The following CADM2 variants were observed in gnomAD, a reference collection of about 807,000 sequenced individuals.
The protein encoded by CADM2 is immunoglobulin superfamily member 4D.
Under a neutral mutation model 49.8 loss-of-function variants are expected in CADM2, and 12 were observed. The ratio of observed to expected loss-of-function variants is 0.24; its 90% CI spans 0.15 to 0.39. The LOEUF (loss-of-function observed/expected upper bound fraction) is 0.39, where lower values mean the gene tolerates loss of function less well. Ranked by LOEUF, CADM2 falls within the 10% of genes least tolerant of loss-of-function variation. The pLI is 1.00. For synonymous variants in CADM2, 214 were observed against 175.4 expected, an observed-to-expected ratio of 1.22 and a Z score of -1.74; for missense variants, 378 against 492.3, an observed-to-expected ratio of 0.77 and a Z score of 2.20.
chr3:85,101,222 A>G (rs1458029777), intron 1 of CADM2, among the ~76,000 whole-genome samples: 1 of 152,080 alleles, frequency 6.6e-6, no homozygotes, highest in Non-Finnish European at 1.5e-5. Context: ...CCACTGCACT[A>G]CAGCCTGGGT....
chr3:85,065,232 A>T (rs1031730475), intron 1 of CADM2, among the ~76,000 whole-genome samples: 10 of 152,064 alleles, frequency 6.6e-5, no homozygotes, highest in African/African-American at 2.4e-4. Context: ...TTTTAAATTT[A>T]TTTCATATAA....
At chr3:85,562,763 A>G (rs907922842) in intron 1 of CADM2, among the ~76,000 whole-genome samples, 4 of 152,154 alleles carry the variant, frequency 2.6e-5, no homozygotes, top group Non-Finnish European at 4.4e-5. Flanking sequence ...CATTCTTGTT[A>G]CACTGCATAA....
chr3:85,725,049 A>G (rs1246837595), intron 1 of CADM2, among the ~76,000 whole-genome samples: 2 of 152,050 alleles, frequency 1.3e-5, no homozygotes, highest in South Asian at 4.1e-4. Context: ...TATTGTAAGT[A>G]GTCTACCACT....
chr3:85,090,908 T>G (rs1049039571), intron 1 of CADM2, among the ~76,000 whole-genome samples: 2 of 152,142 alleles, frequency 1.3e-5, no homozygotes, highest in Non-Finnish European at 2.9e-5. Flanking sequence ...GTGGAAAAAT[T>G]ATCTTCCACG....
At chr3:85,554,633 A>G (rs966570120) in intron 1 of CADM2, among the ~76,000 whole-genome samples, 1 of 152,190 alleles carries the variant, frequency 6.6e-6, no homozygotes, top group African/African-American at 2.4e-5. Flanking sequence ...GTTTTTATTT[A>G]ATTTGCTTTA....
At chr3:86,003,649 G>T (rs1730441009) in intron 8 of CADM2, among the ~76,000 whole-genome samples, 2 of 152,104 alleles carry the variant, frequency 1.3e-5, no homozygotes, top group South Asian at 4.1e-4. Flanking sequence ...TATATCCACT[G>T]TCTGCATCAC....
intron 5 of CADM2, among the ~76,000 whole-genome samples, chr3:85,897,772 T>A (rs1198818834): frequency 6.6e-6 from 1 of 152,332 alleles, no homozygotes; most frequent in East Asian, 1.9e-4. Context: ...TGTATAAAAC[T>A]TTAATTTGAA....
intron 1 of CADM2, among the ~76,000 whole-genome samples, chr3:84,974,233 GTA>G (rs35432857): frequency 8.1e-5 from 12 of 149,048 alleles, no homozygotes; most frequent in African/African-American, 1.2e-4. Context: ...GTAATTATAT[GTA>G]TATATATATA....
chr3:85,568,463 C>T (rs112788259), intron 1 of CADM2, among the ~76,000 whole-genome samples: 141 of 13,130 alleles, frequency 0.011, 3 homozygotes, highest in African/African-American at 0.013. Flanking sequence ...TTCTTTCTTT[C>T]TCTTTCTCTC....
At chr3:85,296,770 C>T (rs1035043514) in intron 1 of CADM2, among the ~76,000 whole-genome samples, 1 of 152,026 alleles carries the variant, frequency 6.6e-6, no homozygotes, top group African/African-American at 2.4e-5. Flanking sequence ...ACTTTCTACT[C>T]CTATGCCTTG....
chr3:85,761,752 C>A (rs2069393024), intron 2 of CADM2, among the ~76,000 whole-genome samples: 2 of 152,136 alleles, frequency 1.3e-5, no homozygotes, highest in South Asian at 4.1e-4. Flanking sequence ...AAGAGATGAT[C>A]TCATTCTTGT....
chr3:85,006,485 T>C (rs757058241), intron 1 of CADM2, among the ~76,000 whole-genome samples: 58 of 152,318 alleles, frequency 3.8e-4, no homozygotes, highest in Admixed American at 1.2e-3. Flanking sequence ...ATATGACTTA[T>C]TCTAGTTTGG....
In CADM2 at chr3:85,051,817, C is replaced by T. The variant is rs183168664; in HGVS notation, c.61+92149C>T. 1.9e-3 allele frequency among the ~76,000 whole-genome samples: 288 copies of T among 152,028 alleles called. 2 individuals carry two copies. Among genetic ancestry groups the T allele is most frequent in the Admixed American group, 4.6e-3 (70 of 15,254 alleles). ...TATCATTATTTAAAAGAAAAGAAAA[C>T]GGGGCATTGGGCCTGGGGGGAAGTA... On this transcript the variant is annotated intron_variant, in intron 1 of 9. Transcript: ENST00000383699.
chr3:85,190,586 CA>C (rs1391901917), intron 1 of CADM2, among the ~76,000 whole-genome samples: 1 of 152,024 alleles, frequency 6.6e-6, no homozygotes, highest in African/African-American at 2.4e-5. Flanking sequence ...CAAACTCACA[CA>C]AAATCAATAT....
At chr3:84,999,672 T>C (rs902807079) in intron 1 of CADM2, among the ~76,000 whole-genome samples, 1 of 152,152 alleles carries the variant, frequency 6.6e-6, no homozygotes, top group Non-Finnish European at 1.5e-5. Context: ...AGAATGTGCA[T>C]ATCAGGCAGC....
In CADM2 at chr3:86,020,573, A is replaced by T. The variant is rs1391981589; in HGVS notation, c.971-45032A>T. ...AGACCAATATCCTTGATGAACATTGATGCAAAAATCCTCAATAAAATACTG... is the reference window on the plus strand; with the variant it reads ...AGACCAATATCCTTGATGAACATTGTTGCAAAAATCCTCAATAAAATACTG... On this transcript the variant is annotated intron_variant, in intron 8 of 9. Coordinates refer to ENST00000383699, the MANE Select transcript of CADM2 (RefSeq NM_001167675.2). 2.6e-5 allele frequency among the ~76,000 whole-genome samples: 4 copies of T among 151,484 alleles called. No individual in the cohort carries two copies. The East Asian group carries it at 7.8e-4, about 29-fold the overall frequency.
chr3:85,493,734 C>T (rs1186060023), intron 1 of CADM2, among the ~76,000 whole-genome samples: 1 of 152,140 alleles, frequency 6.6e-6, no homozygotes. Context: ...TCATTGCCTT[C>T]AATGCCTATT....
chr3:85,372,955 G>C (rs936080895), intron 1 of CADM2, among the ~76,000 whole-genome samples: 1 of 152,084 alleles, frequency 6.6e-6, no homozygotes, highest in Non-Finnish European at 1.5e-5. Context: ...GACACATGGG[G>C]ATTATGGGAG....
intron 1 of CADM2, among the ~76,000 whole-genome samples, chr3:85,409,414 G>C (rs1441764366): frequency 6.6e-6 from 1 of 152,122 alleles, no homozygotes; most frequent in African/African-American, 2.4e-5. Context: ...CAAATAAAGG[G>C]ATATTTGAGT....
Sources: gnomAD v4.1 joint callset for allele counts (sites outside exome capture counted in the v4.1 genomes callset) on GRCh38, gnomAD v4.1.1 for gene constraint, MANE v1.5 for transcripts, NCBI Gene and HGNC (gene_info 2026-07-23, HGNC 2026-07-21) for gene names.